The following RNF144A variants were observed in gnomAD, a reference collection of about 807,000 sequenced individuals.
RNF144A encodes the protein ring finger protein 144A.
A neutral mutation model predicts 38.7 loss-of-function variants in RNF144A; 11 were observed. The observed-to-expected ratio is 0.28, with a 90% CI of 0.18 to 0.47. The LOEUF is 0.47. Ranked by LOEUF, RNF144A falls within the 20% of genes least tolerant of loss-of-function variation. The pLI, the probability that RNF144A is intolerant of heterozygous loss-of-function variation, is 0.99. For synonymous variants in RNF144A, 149 were observed against 143.9 expected (o/e 1.04, Z -0.25); for missense variants, 316 against 377.2 (o/e 0.84, Z 1.34).
At chr2:6,939,334 A>G (rs1247156769) in intron 1 of RNF144A, among the ~76,000 whole-genome samples, 1 of 152,182 alleles carries the variant, frequency 6.6e-6, no homozygotes, top group East Asian at 1.9e-4. Flanking sequence ...CTAATTGGTT[A>G]GTCATGTAGA....
chr2:6,933,103 T>G (rs1310300500), intron 1 of RNF144A: 1 of 152,264 alleles, frequency 6.6e-6, no homozygotes, highest in African/African-American at 2.4e-5. Flanking sequence ...TACTGCTTTT[T>G]GAAATACTAA....
intron 2 of RNF144A, among the ~76,000 whole-genome samples, chr2:6,963,305 G>A (rs556093996): frequency 6.6e-6 from 1 of 152,116 alleles, no homozygotes; most frequent in Admixed American, 6.5e-5. Context: ...TGATTTGGGG[G>A]GCATGAAAGT....
intron 3 of RNF144A, among the ~76,000 whole-genome samples, chr2:7,007,469 G>T (rs1488369084): frequency 6.6e-6 from 1 of 152,098 alleles, no homozygotes; most frequent in Admixed American, 6.5e-5. Context: ...CTTCTGTCCA[G>T]GTCTTAAATT....
At chr2:6,989,481 C>A (rs757242422) in intron 2 of RNF144A, among the ~76,000 whole-genome samples, 1 of 152,182 alleles carries the variant, frequency 6.6e-6, no homozygotes, top group African/African-American at 2.4e-5. Flanking sequence ...ATTACAGGTT[C>A]GGCCCATTCC....
chr2:7,016,614 GTTT>G lies in RNF144A; in HGVS notation c.301+1853_301+1855del, dbSNP rs55964355. Among the ~76,000 whole-genome samples, 1,420 of 148,652 alleles carry G rather than the reference GTTT, an allele frequency of 9.6e-3. 16 individuals carry two copies. Among genetic ancestry groups the G allele is most frequent in the African/African-American group, 0.027 (1,108 of 40,506 alleles). On this transcript the variant is annotated intron_variant, in intron 5 of 8. Transcript: ENST00000320892. ...GCATTTTACTAACATTATGTTCAAAGTTTTTTTTTTTTTAAGTATTCAGACTTC... is the reference window on the plus strand; with the variant it reads ...GCATTTTACTAACATTATGTTCAAAGTTTTTTTTTTAAGTATTCAGACTTC...
intron 6 of RNF144A, among the ~76,000 whole-genome samples, chr2:7,055,061 C>A (rs89983): frequency 0.69 from 104,411 of 152,000 alleles, 36,747 homozygotes; most frequent in South Asian, 0.91. Flanking sequence ...GACAGGCTGG[C>A]ACCTCCTCTT....
intron 2 of RNF144A, among the ~76,000 whole-genome samples, chr2:6,947,305 A>G (rs909299412): frequency 6.6e-6 from 1 of 152,052 alleles, no homozygotes; most frequent in African/African-American, 2.4e-5. Flanking sequence ...AATTGCAGTA[A>G]TTTTTAATAG....
At chr2:7,062,707 C>T (rs1285334285) in intron 6 of RNF144A, 7 of 152,134 alleles carry the variant, frequency 4.6e-5, no homozygotes, top group African/African-American at 1.4e-4. Flanking sequence ...AAAGCAGAGA[C>T]GTTTATCCAG....
intron 2 of RNF144A, among the ~76,000 whole-genome samples, chr2:6,950,363 A>G (rs1666602112): frequency 6.6e-6 from 1 of 152,220 alleles, no homozygotes; most frequent in Non-Finnish European, 1.5e-5. Flanking sequence ...TGTTTTGTGT[A>G]ACTGCATTTA....
intron 6 of RNF144A, among the ~76,000 whole-genome samples, chr2:7,058,010 G>C (rs911415646): frequency 2.0e-5 from 3 of 152,190 alleles, no homozygotes; most frequent in African/African-American, 7.2e-5. Context: ...TAGCACTTCT[G>C]ACATGTGCCA....
intron 1 of RNF144A, chr2:6,918,618 G>A (rs1382433622): frequency 1.3e-5 from 2 of 151,336 alleles, no homozygotes; most frequent in Non-Finnish European, 3.0e-5. Context: ...CAAAAAATTA[G>A]CCGGGCGCAG....
chr2:7,010,226 A>G (rs542165055), intron 3 of RNF144A, among the ~76,000 whole-genome samples: 7 of 152,258 alleles, frequency 4.6e-5, no homozygotes, highest in South Asian at 2.1e-4. Flanking sequence ...ATCCCACAGT[A>G]TTAGGAAGTG....
At chr2:7,021,554 G>A (rs539451704) in intron 6 of RNF144A, among the ~76,000 whole-genome samples, 1 of 152,114 alleles carries the variant, frequency 6.6e-6, no homozygotes, top group South Asian at 2.1e-4. Context: ...TCCTTTCCCT[G>A]GGGGCTCCTG....
At chr2:7,022,966 A>T (rs996248714) in intron 6 of RNF144A, among the ~76,000 whole-genome samples, 2 of 152,186 alleles carry the variant, frequency 1.3e-5, no homozygotes, top group Admixed American at 6.5e-5. Flanking sequence ...GTTAATAATA[A>T]CTACTGTTTA....
intron 2 of RNF144A, among the ~76,000 whole-genome samples, chr2:6,968,233 G>A (rs1410847409): frequency 6.6e-6 from 1 of 152,244 alleles, no homozygotes; most frequent in East Asian, 1.9e-4. Context: ...GGGGAGGTAT[G>A]TTCTAAACTC....
At chr2:7,073,805 T>C in the RNF144A span, among the ~76,000 whole-genome samples, 20 of 152,372 alleles carry the variant, frequency 1.3e-4, no homozygotes, top group East Asian at 2.3e-3. Flanking sequence ...GTCACACCAC[T>C]GTGAATTCAG....
At position 7,040,229 on chromosome 2, in the gene RNF144A, T is replaced by C; in HGVS notation, c.*469T>C. The C allele has an allele frequency of 1.0e-6, 1 of 986,058 alleles. No homozygotes were observed. The highest frequency in any genetic ancestry group is 1.2e-6 in the Non-Finnish European group (1 of 830,354). 61.1% of individuals were successfully genotyped at this position (986,058 alleles called of 1,614,324 possible). On this transcript the variant is annotated 3_prime_UTR_variant, in exon 9 of 9. Transcript: ENST00000320892. ...AACTGTTTTTATTACTAATGGCATTTAGTAAAATCCTTTTTAGAAGGTATT... is the reference window on the plus strand; with the variant it reads ...AACTGTTTTTATTACTAATGGCATTCAGTAAAATCCTTTTTAGAAGGTATT...
In RNF144A at chr2:6,958,032, T is replaced by C. The variant is rs116287606; in HGVS notation, c.-12+16885T>C. On this transcript the variant is annotated intron_variant, in intron 2 of 8. Transcript: ENST00000320892. The surrounding 1 kb of genome is among the most constrained non-coding windows in gnomAD (Gnocchi z 4.5). ...ACAGAATGGGGTGGGGGAGTCGGGA[T>C]GGAGCTCCAGGGAAGCAGATGGATC... Among the ~76,000 whole-genome samples, 165 of 152,308 alleles carry C rather than the reference T, an allele frequency of 1.1e-3. No individual in the cohort carries two copies. The highest frequency in any genetic ancestry group is 3.6e-3 in the African/African-American group (151 of 41,570).
At chr2:7,017,152 C>T (rs537685427) in intron 5 of RNF144A, among the ~76,000 whole-genome samples, 2 of 152,280 alleles carry the variant, frequency 1.3e-5, no homozygotes, top group South Asian at 2.1e-4. Context: ...TGAGACCCAG[C>T]GGTGCTGTGC....
Sources: gnomAD v4.1 joint callset for allele counts (sites outside exome capture counted in the v4.1 genomes callset) on GRCh38, gnomAD v4.1.1 for gene constraint, Gnocchi (gnomAD v3.1) non-coding constraint, MANE v1.5 for transcripts, NCBI Gene and HGNC (gene_info 2026-07-23, HGNC 2026-07-21) for gene names.